GTPBP6: variants seen among roughly 807,000 people sequenced by gnomAD.
The protein encoded by GTPBP6 is GTP binding protein 6.
In GTPBP6, 33 loss-of-function variants were observed where a neutral mutation model predicts 28.9. The observed-to-expected ratio is 1.14, with a 90% CI of 0.87 to 1.53. The LOEUF is 1.53. Among genes scored for constraint, GTPBP6 ranks in the 40% most tolerant of loss-of-function variants. GTPBP6 has a pLI of 0.00. For missense variants in GTPBP6, 507 were observed against 408.3 expected (o/e 1.24, Z -2.08); for synonymous variants, 231 against 192.7 (o/e 1.20, Z -1.65).
At chrX:305,242 G>T in intron 9 of GTPBP6, 45 bp from the exon 10 acceptor site, 1 of 1,401,906 alleles carries the variant, frequency 7.1e-7, no homozygotes, top group Non-Finnish European at 1.0e-6. Flanking sequence ...GAACCCGTAA[G>T]TATTTGCTTA....
At chrX:317,172 C>T in intron 1 of GTPBP6, 121 bp from the exon 2 acceptor site, 3 of 398,146 alleles carry the variant, frequency 7.5e-6, no homozygotes, top group Non-Finnish European at 1.3e-5. Context: ...CCTTGAGCCG[C>T]CGTTTGTCCC....
chrX:314,677 C>G (rs192662414), intron 4 of GTPBP6, among the ~76,000 whole-genome samples: 1 of 152,066 alleles, frequency 6.6e-6, no homozygotes, highest in African/African-American at 2.4e-5. Flanking sequence ...GGGGTTTCAC[C>G]GTGTTGGCCA....
Position 306,604 on chromosome X carries a change from T to A in GTPBP6, c.1427+756A>T, listed in dbSNP as rs936490570. Among the ~76,000 whole-genome samples the A allele has an allele frequency of 9.6e-4, 145 of 151,474 alleles. 4 individuals carry two copies. Among genetic ancestry groups the A allele is most frequent in the Non-Finnish European group, 1.7e-3 (113 of 67,830 alleles). ...CTGTCAAGCACAGATTAGGCACCTG[T>A]TGTATGCAGTCAGAAATGTACATTT... On this transcript the variant is annotated intron_variant, in intron 9 of 9. Transcript: ENST00000326153.
At chrX:316,680 ATCTTTACCAGTT>A (rs2070446329) in intron 2 of GTPBP6, among the ~76,000 whole-genome samples, 1 of 151,992 alleles carries the variant, frequency 6.6e-6, no homozygotes, top group Non-Finnish European at 1.5e-5. Flanking sequence ...CCCCGACCTA[ATCTTTACCAGTT>A]TAAGTCTCTC....
intron 4 of GTPBP6, 91 bp from the exon 5 acceptor site, chrX:314,308 G>T: frequency 9.5e-7 from 1 of 1,050,590 alleles, no homozygotes; most frequent in South Asian, 1.3e-5. Flanking sequence ...CACTGAGCTG[G>T]GCCTCTGGGC....
chrX:313,817 C>G (rs1455078934), intron 5 of GTPBP6, among the ~76,000 whole-genome samples: 1 of 152,198 alleles, frequency 6.6e-6, no homozygotes, highest in African/African-American at 2.4e-5. Context: ...GCCCTGTCCT[C>G]ACCTTGATCT....
At chrX:304,958 A>C (rs751039789) in exon 10 of GTPBP6, 46 of 1,504,504 alleles carry the variant, frequency 3.1e-5, no homozygotes, top group Middle Eastern at 4.8e-4. Flanking sequence ...ACGGGTGCAG[A>C]ACCAGACAAG....
chrX:305,043 C>A, exon 10 of GTPBP6: 1 of 1,608,792 alleles, frequency 6.2e-7, no homozygotes, highest in Non-Finnish European at 8.5e-7. Context: ...GCAGCGATGC[C>A]CCCACCCCGC....
chrX:313,046 G>T (rs2070347510), intron 5 of GTPBP6, 122 bp from the exon 6 acceptor site: 1 of 788,122 alleles, frequency 1.3e-6, no homozygotes, highest in Non-Finnish European at 2.0e-6. Context: ...TGGGGGCCCG[G>T]CTGCTTTCCC....
rs374521828 is a variant in GTPBP6 at position 312,750 on chromosome X, C to G, written c.916+16G>C. 1.9e-6 allele frequency: 3 copies of G among 1,595,810 alleles called. No homozygotes were observed. Among genetic ancestry groups the G allele is most frequent in the Non-Finnish European group, 2.6e-6 (3 of 1,172,628 alleles). Reference sequence around the variant, plus strand: ...ACGGAGACCGCGGAAGGCCCCTCCCCTGGGCGCGTGCTCACCGCAGTTGGT... The same window carrying G: ...ACGGAGACCGCGGAAGGCCCCTCCCGTGGGCGCGTGCTCACCGCAGTTGGT... On this transcript the variant is annotated intron_variant, in intron 6 of 9. Transcript: ENST00000326153.
chrX:312,333 G>C (rs750027852), intron 6 of GTPBP6: 1 of 467,852 alleles, frequency 2.1e-6, no homozygotes, highest in African/African-American at 2.0e-5. Context: ...TGGGGTAGTG[G>C]TGCTGGTGTA....
intron 2 of GTPBP6, 32 bp downstream of exon 2, chrX:316,882 T>C: frequency 2.5e-6 from 1 of 398,004 alleles, no homozygotes; most frequent in Non-Finnish European, 4.4e-6. Context: ...GGAAAGGAGG[T>C]TTGGGGAAGG....
chrX:305,374 T>G (rs905989577), intron 9 of GTPBP6, among the ~76,000 whole-genome samples, 177 bp from the exon 10 acceptor site: 2 of 147,426 alleles, frequency 1.4e-5, no homozygotes, highest in East Asian at 2.0e-4. Context: ...TAGGCTGGAG[T>G]GCAGTGGCGC....
At chrX:317,464 AC>A (rs1210367427) in intron 1 of GTPBP6, among the ~76,000 whole-genome samples, 12 of 148,896 alleles carry the variant, frequency 8.1e-5, no homozygotes, top group Non-Finnish European at 1.8e-4. Flanking sequence ...GTAAAGAAAA[AC>A]CACTCATCGA....
chrX:310,398 C>A (rs1374077751), intron 7 of GTPBP6, among the ~76,000 whole-genome samples: 93 of 129,666 alleles, frequency 7.2e-4, no homozygotes, highest in African/African-American at 2.0e-3. Flanking sequence ...AAGGACCCTC[C>A]CCTAGAGCCT....
chrX:306,808 C>T (rs1432474976), intron 9 of GTPBP6, among the ~76,000 whole-genome samples: 8 of 151,414 alleles, frequency 5.3e-5, no homozygotes, highest in Middle Eastern at 6.8e-3. Context: ...TAATTAGGCA[C>T]CTGTTGTATC....
chrX:317,495 A>G, intron 1 of GTPBP6, among the ~76,000 whole-genome samples: 1 of 141,396 alleles, frequency 7.1e-6, no homozygotes, highest in Admixed American at 7.7e-5. Context: ...CTTCCAAGGG[A>G]AAAATCAACC....
chrX:314,175 G>A (rs377299944), exon 5 of GTPBP6: 113 of 1,613,018 alleles, frequency 7.0e-5, no homozygotes, highest in Middle Eastern at 5.0e-4. Flanking sequence ...AGCGCGAGCC[G>A]ACTCCTCGGT....
intron 9 of GTPBP6, among the ~76,000 whole-genome samples, chrX:306,116 A>G (rs186669212): frequency 6.6e-6 from 1 of 152,352 alleles, no homozygotes; most frequent in Non-Finnish European, 1.5e-5. Context: ...CTGGCAGCAC[A>G]GATTAGGCAC....
Sources: gnomAD v4.1 joint callset for allele counts (sites outside exome capture counted in the v4.1 genomes callset) on GRCh38, gnomAD v4.1.1 for gene constraint, MANE v1.5 for transcripts, NCBI Gene and HGNC (gene_info 2026-07-23, HGNC 2026-07-21) for gene names.